EEA1: variants seen among roughly 807,000 people sequenced by gnomAD.
EEA1 encodes early endosome antigen 1, 162kD.
In EEA1, 111 loss-of-function variants were observed where a neutral mutation model predicts 209.2. That is an observed-to-expected ratio of 0.53 (90% CI 0.45 to 0.62). The LOEUF (loss-of-function observed/expected upper bound fraction) is 0.62. Among genes scored for constraint, EEA1 ranks in the 20% least tolerant of loss-of-function variants. The probability of loss-of-function intolerance (pLI) is 0.00; values close to 1 mark genes in which losing one functional copy is unlikely to be tolerated. For missense variants in EEA1, 1,343 were observed against 1,530.8 expected (o/e 0.88, Z 2.05); for synonymous variants, 536 against 540.6 (o/e 0.99, Z 0.12).
At chr12:92,862,013 T>G (rs1427015262) in intron 3 of EEA1, among the ~76,000 whole-genome samples, 1 of 152,190 alleles carries the variant, frequency 6.6e-6, no homozygotes, top group Admixed American at 6.5e-5. Context: ...TTGATGTTGA[T>G]GAAATTCGCA....
intron 2 of EEA1, among the ~76,000 whole-genome samples, chr12:92,886,819 A>T (rs1411927936): frequency 1.3e-5 from 2 of 152,066 alleles, no homozygotes; most frequent in African/African-American, 4.8e-5. Context: ...TAACATGGTG[A>T]AACCCTGTCT....
At chr12:92,881,241 G>GA (rs1014780546) in intron 2 of EEA1, among the ~76,000 whole-genome samples, 49 of 151,036 alleles carry the variant, frequency 3.2e-4, no homozygotes, top group South Asian at 1.7e-3. Context: ...CCATCTCTAT[G>GA]AAAAAAAAAG....
At chr12:92,868,237 T>C (rs920620222) in intron 2 of EEA1, among the ~76,000 whole-genome samples, 1 of 152,190 alleles carries the variant, frequency 6.6e-6, no homozygotes, top group African/African-American at 2.4e-5. Flanking sequence ...AGGATGTTAG[T>C]CTAGCTGCTG....
intron 10 of EEA1, among the ~76,000 whole-genome samples, chr12:92,836,252 T>C (rs990167975): frequency 2.6e-5 from 4 of 152,218 alleles, no homozygotes; most frequent in Non-Finnish European, 5.9e-5. Flanking sequence ...CCCTAAAATA[T>C]ATCCTATTCA....
chr12:92,776,799 A>G (rs1592696067), intron 28 of EEA1, 45 bp downstream of exon 28: 2 of 1,529,248 alleles, frequency 1.3e-6, no homozygotes, highest in African/African-American at 2.7e-5. Context: ...ATTATCAGTG[A>G]CAAATGAAAT....
chr12:92,802,265 C>T (rs1166079451), intron 19 of EEA1, 139 bp downstream of exon 19: 12 of 761,976 alleles, frequency 1.6e-5, no homozygotes, highest in Non-Finnish European at 2.3e-5. Context: ...TTAAGCAATC[C>T]CAATTAATTT....
chr12:92,881,841 A>G (rs1004220928), intron 2 of EEA1, among the ~76,000 whole-genome samples: 16 of 152,182 alleles, frequency 1.1e-4, no homozygotes, highest in East Asian at 1.9e-4. Flanking sequence ...CATATATTAT[A>G]TATGTTATTA....
In EEA1 at chr12:92,777,861, T is replaced by C. The variant is rs1363690562; in HGVS notation, c.3893+80A>G. 3.5e-6 allele frequency: 5 copies of C among 1,433,298 alleles called. No homozygotes were observed. In the African/African-American group the frequency reaches 4.3e-5, roughly 12 times the overall value. The allele number at this position is 1,433,298 out of a possible 1,614,324, so 88.8% of individuals were successfully genotyped here. On this transcript the variant is annotated intron_variant, in intron 26 of 28. Transcript: ENST00000322349. The stretch of plus-strand genomic sequence containing the variant: ...TTATGCACTTTTCTCAAGATTCTTC[T>C]ATTTTTAAAAACTATGGAATATGAC...
chr12:92,920,876 T>C lies in EEA1; in HGVS notation c.24+8167A>G, dbSNP rs931732841. On this transcript the variant is annotated intron_variant, in intron 1 of 28. Transcript: ENST00000322349. ...TGACAAAGGGCTAATATCCAGAATCTACAATGAACTCAACCAAATTTACAA... is the reference window on the plus strand; with the variant it reads ...TGACAAAGGGCTAATATCCAGAATCCACAATGAACTCAACCAAATTTACAA... Among the ~76,000 whole-genome samples, 36 of 150,844 alleles carry C rather than the reference T, an allele frequency of 2.4e-4. 1 individual carries two copies. The East Asian group carries it at 6.4e-3, about 27-fold the overall frequency.
chr12:92,912,452 A>G (rs1054097499), intron 1 of EEA1, among the ~76,000 whole-genome samples: 3 of 151,634 alleles, frequency 2.0e-5, no homozygotes, highest in Non-Finnish European at 4.4e-5. Flanking sequence ...GTTGCTGGAA[A>G]CTCCTCTGCC....
chr12:92,809,269 A>AAT (rs1565816923), intron 17 of EEA1, 113 bp from the exon 18 acceptor site: 2 of 701,758 alleles, frequency 2.8e-6, no homozygotes, highest in African/African-American at 1.9e-5. Context: ...ACAAAAAAAA[A>AAT]TTTATTATAA....
rs1188489255 is a variant in EEA1 at position 92,772,911 on chromosome 12, A to T, written c.*3100T>A. 2.6e-5 allele frequency: 4 copies of T among 152,296 alleles called. No individual in the cohort carries two copies. Among genetic ancestry groups the T allele is most frequent in the African/African-American group, 9.7e-5 (4 of 41,434 alleles). 9.4% of individuals were successfully genotyped at this position (152,296 alleles called of 1,614,324 possible). ...ACACAGAAAGAACTTAGTGACTTCT[A>T]ATTCTATTTTATACAATTTTACATA... On this transcript the variant is annotated 3_prime_UTR_variant, in exon 29 of 29. Coordinates refer to ENST00000322349, the MANE Select transcript of EEA1 (RefSeq NM_003566.4).
intron 21 of EEA1, among the ~76,000 whole-genome samples, chr12:92,792,201 A>G (rs1355972736): frequency 6.6e-6 from 1 of 152,174 alleles, no homozygotes; most frequent in African/African-American, 2.4e-5. Flanking sequence ...CCCTAACATC[A>G]CAATTAAAAG....
At chr12:92,794,143 T>C (rs1023296991) in intron 21 of EEA1, among the ~76,000 whole-genome samples, 3 of 152,210 alleles carry the variant, frequency 2.0e-5, no homozygotes, top group African/African-American at 7.2e-5. Flanking sequence ...TCATCATCAC[T>C]GGCCATCAGA....
intron 10 of EEA1, among the ~76,000 whole-genome samples, chr12:92,839,853 C>T (rs962611188): frequency 6.6e-6 from 1 of 152,124 alleles, no homozygotes; most frequent in Non-Finnish European, 1.5e-5. Flanking sequence ...TTCATGGCAG[C>T]AAATTACCCT....
At chr12:92,860,305 C>T (rs1311517055) in intron 3 of EEA1, among the ~76,000 whole-genome samples, 1 of 152,120 alleles carries the variant, frequency 6.6e-6, no homozygotes, top group African/African-American at 2.4e-5. Context: ...CTCCACACTG[C>T]ACAATAATGC....
At position 92,816,311 on chromosome 12, in the gene EEA1, C is replaced by G; in HGVS notation, c.1818G>C (p.Lys606Asn). The G allele has an allele frequency of 6.2e-7, 1 of 1,613,966 alleles. No individual in the cohort carries two copies. The highest frequency in any genetic ancestry group is 8.5e-7 in the Non-Finnish European group (1 of 1,179,904). The change falls in exon 15 of 29, where the codon AAG becomes AAC. Residue 606 changes from lysine to asparagine, a missense_variant. Lys to Asn is a moderately conservative substitution (Grantham distance 94). Transcript: ENST00000322349. The stretch of plus-strand genomic sequence containing the variant: ...GGTCTTGTGCAGCTCTAAGATGTGC[C>G]TTCTGCTCTTGTACCTGGTCATGCA... ...ENLHDQVQEQ[K>N]AHLRAAQDRV...
intron 1 of EEA1, among the ~76,000 whole-genome samples, chr12:92,898,807 G>A (rs1565856408): frequency 7.9e-6 from 1 of 127,058 alleles, no homozygotes; most frequent in African/African-American, 3.1e-5. Flanking sequence ...TGAACTCCTA[G>A]GCTCAAGTGA....
At chr12:92,916,353 G>C (rs1359345284) in intron 1 of EEA1, among the ~76,000 whole-genome samples, 1 of 151,900 alleles carries the variant, frequency 6.6e-6, no homozygotes. Flanking sequence ...CATGGACTGT[G>C]AAACAAACTT....
Sources: gnomAD v4.1 joint callset for allele counts (sites outside exome capture counted in the v4.1 genomes callset) on GRCh38, gnomAD v4.1.1 for gene constraint, MANE v1.5 for transcripts, NCBI Gene and HGNC (gene_info 2026-07-23, HGNC 2026-07-21) for gene names.